The following CSMD2 variants were observed in gnomAD, a reference collection of about 807,000 sequenced individuals.
The protein encoded by CSMD2 is CUB and Sushi multiple domains 2.
In CSMD2, 130 loss-of-function variants were observed where a neutral mutation model predicts 398.5. The ratio of observed to expected loss-of-function variants is 0.33; its 90% confidence interval spans 0.28 to 0.38. The LOEUF (loss-of-function observed/expected upper bound fraction) is 0.38, where lower values mean the gene tolerates loss of function less well. Ranked by LOEUF, CSMD2 falls within the 10% of genes least tolerant of loss-of-function variation. The pLI, the probability that CSMD2 is intolerant of heterozygous loss-of-function variation, is 1.00. For missense variants in CSMD2, 3,829 were observed against 4,764.9 expected, an observed-to-expected ratio of 0.80 and a Z score of 5.78; for synonymous variants, 1,828 against 1,908.5, an observed-to-expected ratio of 0.96 and a Z score of 1.10.
At chr1:33,725,613 A>T in intron 16 of CSMD2, 77 bp from the exon 17 acceptor site, 1 of 1,393,344 alleles carries the variant, frequency 7.2e-7, no homozygotes, top group East Asian at 2.3e-5. Flanking sequence ...GCCCTGCCTG[A>T]CCCAGGGCTT....
intron 32 of CSMD2, among the ~76,000 whole-genome samples, chr1:33,629,743 G>GTT (rs57420148): frequency 0.019 from 2,823 of 146,954 alleles, 73 homozygotes; most frequent in African/African-American, 0.058. Flanking sequence ...ATATCTACAG[G>GTT]TTTTTTTTTT....
chr1:33,661,718 T>C (rs765198951), intron 26 of CSMD2, among the ~76,000 whole-genome samples: 4 of 152,134 alleles, frequency 2.6e-5, no homozygotes, highest in African/African-American at 4.8e-5. Flanking sequence ...TCTCATCTGC[T>C]CCCCACGCTG....
chr1:33,700,530 T>G lies in CSMD2; in HGVS notation c.3720A>C (p.Glu1240Asp). ...TDAENTSKGF[E>D]LHFSSFELIK... ...AGAAAGACTTACTGGAAAAGTGCAG[T>G]TCAAAGCCCTTGCTGGTGTTTTCAG... Residue 1240 changes from glutamate to aspartate, a missense_variant, in exon 23 of 71, where the codon GAA becomes GAC. Glu to Asp is a conservative substitution (Grantham distance 45). Around this residue, in one of 5 missense-constraint regions of CSMD2, gnomAD observed 2,001 missense variants for 2,567.1 expected, o/e 0.78. Transcript: ENST00000373381. 1 of 1,614,194 alleles carries G rather than the reference T, an allele frequency of 6.2e-7. No individual in the cohort carries two copies. The highest frequency in any genetic ancestry group is 8.5e-7 in the Non-Finnish European group (1 of 1,180,038).
At chr1:33,904,898 G>T (rs1043158677) in intron 5 of CSMD2, among the ~76,000 whole-genome samples, 2 of 151,956 alleles carry the variant, frequency 1.3e-5, no homozygotes, top group African/African-American at 2.4e-5. Flanking sequence ...TGCCCGCCTC[G>T]GCCTCCCAAA....
intron 13 of CSMD2, among the ~76,000 whole-genome samples, chr1:33,770,072 C>A (rs1448601070): frequency 1.3e-5 from 2 of 152,178 alleles, no homozygotes; most frequent in African/African-American, 4.8e-5. Flanking sequence ...GTCTCTCAAT[C>A]GAAGTATGAC....
intron 44 of CSMD2, among the ~76,000 whole-genome samples, chr1:33,593,186 T>C (rs1445641454): frequency 6.6e-6 from 1 of 152,246 alleles, no homozygotes; most frequent in Non-Finnish European, 1.5e-5. Flanking sequence ...GAAGACATTA[T>C]GAATTCTGCA....
intron 53 of CSMD2, among the ~76,000 whole-genome samples, chr1:33,566,603 G>C (rs1159966058): frequency 6.6e-6 from 1 of 152,128 alleles, no homozygotes; most frequent in East Asian, 1.9e-4. Context: ...AATGGTCAAA[G>C]GTGCATCAGG....
chr1:34,092,744 G>C (rs1446464779), intron 1 of CSMD2, among the ~76,000 whole-genome samples: 2 of 152,226 alleles, frequency 1.3e-5, no homozygotes, highest in Non-Finnish European at 2.9e-5. Context: ...CCCGCACCTG[G>C]CTCGGAGGGT....
chr1:33,874,976 C>T (rs537759389), intron 5 of CSMD2, among the ~76,000 whole-genome samples: 1 of 152,322 alleles, frequency 6.6e-6, no homozygotes, highest in South Asian at 2.1e-4. Flanking sequence ...CCGCACAGCC[C>T]TGGCAAGTGG....
upstream of CSMD2, chr1:34,165,329 G>A: frequency 8.3e-7 from 1 of 1,200,158 alleles, no homozygotes. Flanking sequence ...GGGCGGGAGG[G>A]GGTGAATTAT....
chr1:34,040,215 A>AAAAT (rs1570908868), intron 2 of CSMD2, among the ~76,000 whole-genome samples: 2 of 151,804 alleles, frequency 1.3e-5, no homozygotes, highest in East Asian at 3.9e-4. Context: ...ATTAAAAAAA[A>AAAAT]AATAATAAAA....
chr1:33,601,128 C>T (rs771789219), intron 43 of CSMD2, 118 bp from the exon 44 acceptor site: 22 of 1,311,788 alleles, frequency 1.7e-5, no homozygotes, highest in South Asian at 2.7e-5. Flanking sequence ...TCTTTTTGTA[C>T]CAACACTTCC....
intron 13 of CSMD2, among the ~76,000 whole-genome samples, chr1:33,764,734 T>C (rs1650268009): frequency 6.6e-6 from 1 of 152,260 alleles, no homozygotes; most frequent in South Asian, 2.1e-4. Flanking sequence ...AAATCTTTGC[T>C]GATCCCAACT....
intron 1 of CSMD2, among the ~76,000 whole-genome samples, chr1:34,131,245 G>T (rs1350920559): frequency 6.6e-6 from 1 of 152,180 alleles, no homozygotes; most frequent in Non-Finnish European, 1.5e-5. Flanking sequence ...CTGAGGTGAA[G>T]AGAGGTTGGC....
chr1:33,714,093 T>C (rs1646080420), intron 21 of CSMD2, among the ~76,000 whole-genome samples: 2 of 152,304 alleles, frequency 1.3e-5, no homozygotes, highest in Admixed American at 6.5e-5. Context: ...CCCTGCTGAA[T>C]GGATGAAGCC....
At chr1:33,988,085 G>A (rs183857459) in intron 3 of CSMD2, among the ~76,000 whole-genome samples, 10 of 152,300 alleles carry the variant, frequency 6.6e-5, no homozygotes, top group South Asian at 2.1e-4. Flanking sequence ...TGCTGAAGCC[G>A]TAACTCAGGT....
chr1:33,886,156 T>C (rs1641578681), intron 5 of CSMD2, among the ~76,000 whole-genome samples: 1 of 152,120 alleles, frequency 6.6e-6, no homozygotes, highest in Admixed American at 6.5e-5. Context: ...AGCTAGAGGA[T>C]ACTGGATGCT....
At chr1:33,912,947 C>T (rs376997141) in intron 5 of CSMD2, among the ~76,000 whole-genome samples, 17 of 152,136 alleles carry the variant, frequency 1.1e-4, no homozygotes, top group East Asian at 3.9e-4. Flanking sequence ...TGAGTAGCAG[C>T]GACTACAGGT....
intron 37 of CSMD2, among the ~76,000 whole-genome samples, chr1:33,621,042 T>G (rs997724895): frequency 2.0e-5 from 3 of 152,142 alleles, no homozygotes; most frequent in Non-Finnish European, 4.4e-5. Context: ...CATGCCTTCC[T>G]GCATTTTTCA....
Sources: gnomAD v4.1 joint callset for allele counts (sites outside exome capture counted in the v4.1 genomes callset) on GRCh38, gnomAD v4.1.1 for gene constraint, gnomAD v4.1.1 regional missense constraint, MANE v1.5 for transcripts, NCBI Gene and HGNC (gene_info 2026-07-23, HGNC 2026-07-21) for gene names.